The following UNC79 variants were observed in gnomAD, a reference collection of about 807,000 sequenced individuals.
The protein encoded by UNC79 is unc-79 subunit of NALCN channel complex.
UNC79 carries 37 observed loss-of-function variants against 283.1 expected under a neutral mutation model. That is an observed-to-expected ratio of 0.13 (90% CI 0.10 to 0.17). The LOEUF (loss-of-function observed/expected upper bound fraction) is 0.17, where lower values mean the gene tolerates loss of function less well. Among genes scored for constraint, UNC79 ranks in the 10% least tolerant of loss-of-function variants. The probability of loss-of-function intolerance (pLI) is 1.00; values close to 1 mark genes in which losing one functional copy is unlikely to be tolerated. For synonymous variants in UNC79, 1,107 were observed against 1,200.2 expected (o/e 0.92, Z 1.61); for missense variants, 2,272 against 3,211.1 (o/e 0.71, Z 7.07).
intron 1 of UNC79, among the ~76,000 whole-genome samples, chr14:93,455,662 A>G (rs2056775356): frequency 6.6e-6 from 1 of 152,178 alleles, no homozygotes; most frequent in Admixed American, 6.5e-5. Flanking sequence ...TACAGTAGTA[A>G]TTTATTATCT....
At chr14:93,662,685 T>G (rs767965673) in exon 40 of UNC79, 1 of 1,611,052 alleles carries the variant, frequency 6.2e-7, no homozygotes, top group Non-Finnish European at 8.5e-7. Flanking sequence ...GGTGGAGCTG[T>G]GTGGCTTATG....
At chr14:93,475,679 A>T (rs977176819) in intron 3 of UNC79, among the ~76,000 whole-genome samples, 1 of 152,162 alleles carries the variant, frequency 6.6e-6, no homozygotes, top group East Asian at 1.9e-4. Context: ...CTCCTTCGTG[A>T]CTACTAGTCC....
intron 40 of UNC79, among the ~76,000 whole-genome samples, chr14:93,670,620 C>A (rs916480740): frequency 2.0e-5 from 3 of 152,168 alleles, no homozygotes; most frequent in Non-Finnish European, 4.4e-5. Context: ...CTCTCCAAAC[C>A]CTTTTCTTTT....
Position 93,561,110 on chromosome 14 carries a change from G to A in UNC79, c.1756-10784G>A, listed in dbSNP as rs1294003697. ...TAATGTTTTTAAGTTTGCCAGTATT[G>A]ATAGAAGGCTTATCTGTAATATGGA... On this transcript the variant is annotated intron_variant, in intron 14 of 48. Coordinates refer to ENST00000555664, the Ensembl canonical transcript of UNC79. Among the ~76,000 whole-genome samples, 4 of 152,284 alleles carry A rather than the reference G, an allele frequency of 2.6e-5. No individual in the cohort carries two copies. The East Asian group carries it at 7.7e-4, about 29-fold the overall frequency.
chr14:93,407,621 C>A (rs2055252751), intron 1 of UNC79, among the ~76,000 whole-genome samples: 1 of 152,082 alleles, frequency 6.6e-6, no homozygotes, highest in Non-Finnish European at 1.5e-5. Context: ...GAAGGGCAAT[C>A]AGATCATTGG....
chr14:93,611,103 TAATAAGTA>T (rs2066269621), intron 26 of UNC79, among the ~76,000 whole-genome samples: 2 of 152,194 alleles, frequency 1.3e-5, no homozygotes, highest in African/African-American at 4.8e-5. Context: ...GATGCATGCC[TAATAAGTA>T]ATTATAATAT....
chr14:93,647,211 T>C (rs1470953082), intron 35 of UNC79, among the ~76,000 whole-genome samples: 1 of 152,220 alleles, frequency 6.6e-6, no homozygotes, highest in Non-Finnish European at 1.5e-5. Context: ...ATGGAGTGAC[T>C]ACTAGTTATT....
At chr14:93,470,223 G>A (rs957107059) in intron 2 of UNC79, among the ~76,000 whole-genome samples, 1 of 152,086 alleles carries the variant, frequency 6.6e-6, no homozygotes, top group Non-Finnish European at 1.5e-5. Flanking sequence ...AGCTTCACTT[G>A]AGTCAGGGTT....
At chr14:93,583,558 A>C (rs557770673) in intron 20 of UNC79, among the ~76,000 whole-genome samples, 2 of 152,304 alleles carry the variant, frequency 1.3e-5, no homozygotes, top group East Asian at 3.9e-4. Context: ...TTGTGTATGA[A>C]TATCTCAGCT....
chr14:93,574,775 TG>T (rs2063382352), intron 16 of UNC79, among the ~76,000 whole-genome samples: 1 of 149,962 alleles, frequency 6.7e-6, no homozygotes, highest in East Asian at 2.0e-4. Flanking sequence ...GCACTAGTGG[TG>T]GGTATGGAGA....
intron 14 of UNC79, 135 bp from the exon 15 acceptor site, chr14:93,571,759 G>C: frequency 1.2e-6 from 1 of 823,110 alleles, no homozygotes; most frequent in Non-Finnish European, 1.8e-6. Context: ...ATCTCACACT[G>C]AAGATTCTTG....
chr14:93,686,478 G>A lies in UNC79; in HGVS notation c.6820-94G>A, dbSNP rs558113189. Reference sequence around the variant, plus strand: ...GAGTCAGAAATCCAGAAAGTAAAACGACTCCTTAGTAAACAACGTGAAACC... The same window carrying A: ...GAGTCAGAAATCCAGAAAGTAAAACAACTCCTTAGTAAACAACGTGAAACC... On this transcript the variant is annotated intron_variant, in intron 42 of 48. Transcript: ENST00000555664. 1.4e-5 allele frequency: 18 copies of A among 1,331,012 alleles called. No homozygotes were observed. In the Admixed American group the frequency reaches 1.8e-4, roughly 14 times the overall value. The allele number at this position is 1,331,012 out of a possible 1,614,324, so 82.5% of individuals were successfully genotyped here.
chr14:93,433,961 C>T (rs2055980721), intron 1 of UNC79, among the ~76,000 whole-genome samples: 1 of 152,294 alleles, frequency 6.6e-6, no homozygotes, highest in Middle Eastern at 3.4e-3. Context: ...CGCCTGTAAT[C>T]CCAGCACTTT....
chr14:93,593,219 TTGATGACCTG>T (rs1316619833), intron 22 of UNC79, among the ~76,000 whole-genome samples: 1 of 152,190 alleles, frequency 6.6e-6, no homozygotes. Context: ...GGGAGCTTGA[TTGATGACCTG>T]TCTGTTCTTG....
chr14:93,339,215 A>C (rs1036178041), intron 1 of UNC79, among the ~76,000 whole-genome samples: 1 of 152,180 alleles, frequency 6.6e-6, no homozygotes, highest in African/African-American at 2.4e-5. Context: ...ACCAGATTAG[A>C]GTGTAACCCT....
At chr14:93,352,685 G>A (rs1360392138) in intron 1 of UNC79, among the ~76,000 whole-genome samples, 2 of 152,124 alleles carry the variant, frequency 1.3e-5, no homozygotes, top group African/African-American at 4.8e-5. Flanking sequence ...GTTCCTGTGA[G>A]CCTCTGGTCA....
At position 93,377,208 on chromosome 14, in the gene UNC79, G is replaced by A. The variant is rs1370988323; in HGVS notation, c.-351+43685G>A. On this transcript the variant is annotated intron_variant, in intron 1 of 49. Coordinates refer to the UNC79 transcript ENST00000256339. ...AGGTTCACGCCATTCTCCTGCCTCA[G>A]CCTCCCGAGTAGCTGGGACTACAGG... Among the ~76,000 whole-genome samples the A allele has an allele frequency of 8.7e-5, 13 of 148,924 alleles. No individual in the cohort carries two copies. The Admixed American group carries it at 8.9e-4, about 10-fold the overall frequency.
At chr14:93,353,296 T>C (rs1208707797) in intron 1 of UNC79, among the ~76,000 whole-genome samples, 2 of 152,228 alleles carry the variant, frequency 1.3e-5, no homozygotes, top group East Asian at 3.8e-4. Flanking sequence ...CTTGAATTCC[T>C]GGGCTCAAGT....
chr14:93,469,869 G>A (rs1283542364), intron 2 of UNC79, among the ~76,000 whole-genome samples: 1 of 151,970 alleles, frequency 6.6e-6, no homozygotes, highest in Non-Finnish European at 1.5e-5. Flanking sequence ...GTGACAGAGC[G>A]ACACCCTATC....
Sources: allele counts gnomAD v4.1 joint callset (sites outside exome capture counted in the v4.1 genomes callset), GRCh38; gene constraint gnomAD v4.1.1; transcripts MANE v1.5; gene names NCBI Gene and HGNC (gene_info 2026-07-23, HGNC 2026-07-21).